SOX6: variants seen among roughly 807,000 people sequenced by gnomAD.
SOX6 encodes the protein SRY-box transcription factor 6.
In SOX6, 11 loss-of-function variants were observed where a neutral mutation model predicts 97.8. The observed-to-expected ratio is 0.11, with a 90% confidence interval of 0.07 to 0.19. SOX6 has a LOEUF of 0.19. Ranked by LOEUF, SOX6 falls within the 10% of genes least tolerant of loss-of-function variation. The pLI, the probability that SOX6 is intolerant of heterozygous loss-of-function variation, is 1.00. For missense variants in SOX6, 810 were observed against 1,039.5 expected (o/e 0.78, Z 3.04); for synonymous variants, 360 against 371.4 (o/e 0.97, Z 0.35).
At chr11:16,149,217 T>TG (rs1293110542) in intron 6 of SOX6, among the ~76,000 whole-genome samples, 2 of 152,164 alleles carry the variant, frequency 1.3e-5, no homozygotes, top group Non-Finnish European at 1.5e-5. Flanking sequence ...TAAGCTTTAT[T>TG]GCAATTTTCA....
intron 4 of SOX6, among the ~76,000 whole-genome samples, chr11:16,212,443 TTA>T (rs1227823022): frequency 6.6e-6 from 1 of 152,170 alleles, no homozygotes; most frequent in Non-Finnish European, 1.5e-5. Flanking sequence ...ATATATAATT[TTA>T]TGTCTTTCAT....
intron 4 of SOX6, among the ~76,000 whole-genome samples, chr11:16,537,250 A>G (rs1861324409): frequency 6.6e-6 from 1 of 152,224 alleles, no homozygotes; most frequent in South Asian, 2.1e-4. Context: ...TAGAAGGAAA[A>G]GTAACAAACA....
chr11:16,521,553 G>C (rs1861063518), intron 4 of SOX6, among the ~76,000 whole-genome samples: 1 of 152,178 alleles, frequency 6.6e-6, no homozygotes, highest in African/African-American at 2.4e-5. Flanking sequence ...AGAAAAACTG[G>C]AAACTCTAAA....
At chr11:16,556,691 A>G (rs1476502387) in intron 4 of SOX6, among the ~76,000 whole-genome samples, 1 of 151,824 alleles carries the variant, frequency 6.6e-6, no homozygotes, top group African/African-American at 2.4e-5. Flanking sequence ...TTTTATAATC[A>G]TAAATTTACT....
chr11:16,485,847 T>A (rs1179537787), intron 4 of SOX6, among the ~76,000 whole-genome samples: 9 of 144,620 alleles, frequency 6.2e-5, no homozygotes, highest in African/African-American at 2.3e-4. Context: ...TGAATTATGA[T>A]CACGCCACTG....
intron 4 of SOX6, among the ~76,000 whole-genome samples, chr11:16,592,272 A>G (rs2133973236): frequency 6.7e-6 from 1 of 149,542 alleles, no homozygotes; most frequent in East Asian, 2.0e-4. Context: ...CAACCTTACC[A>G]GCAATATTCT....
chr11:16,439,308 T>C (rs903623170), intron 1 of SOX6, among the ~76,000 whole-genome samples: 3 of 152,214 alleles, frequency 2.0e-5, no homozygotes, highest in East Asian at 1.9e-4. Context: ...CTATTTCTTT[T>C]ATTTAATTGT....
At chr11:16,178,260 T>C (rs1363179709) in intron 6 of SOX6, among the ~76,000 whole-genome samples, 2 of 152,012 alleles carry the variant, frequency 1.3e-5, no homozygotes, top group Non-Finnish European at 2.9e-5. Context: ...TTTGCTGTTA[T>C]AGCCCTTGCT....
Position 16,651,007 on chromosome 11 carries a change from C to A in SOX6, n.430-38747G>T, listed in dbSNP as rs138275775. On this transcript the variant is annotated intron_variant and non_coding_transcript_variant, in intron 3 of 5. Transcript: ENST00000524520. ...GGCTACTATGAACACCTTATGCATA[C>A]AAACCAGAAAATTTAGAAGAGATGG... Among the ~76,000 whole-genome samples the A allele has an allele frequency of 9.1e-4, 139 of 151,996 alleles. 2 individuals are homozygous for A. The highest frequency in any genetic ancestry group is 3.1e-3 in the African/African-American group (128 of 41,510).
chr11:16,137,146 C>CA (rs1849988749), intron 6 of SOX6, among the ~76,000 whole-genome samples: 1 of 152,114 alleles, frequency 6.6e-6, no homozygotes, highest in African/African-American at 2.4e-5. Context: ...ATCTAAAGAG[C>CA]ATGTGGGGGC....
chr11:16,298,274 C>T (rs984631929), intron 3 of SOX6, among the ~76,000 whole-genome samples: 2 of 152,104 alleles, frequency 1.3e-5, no homozygotes, highest in African/African-American at 4.8e-5. Flanking sequence ...TAGCCAAGTT[C>T]TAGTTATCAT....
Position 16,300,743 on chromosome 11 carries a change from T to G in SOX6, c.445+17703A>C, listed in dbSNP as rs1855233589. Among the ~76,000 whole-genome samples, 1 of 152,208 alleles carries G rather than the reference T, an allele frequency of 6.6e-6. No individual in the cohort carries two copies. Among genetic ancestry groups the G allele is most frequent in the African/African-American group, 2.4e-5 (1 of 41,452 alleles). ...TCACCTTAACAACTAGGAAATTCAC[T>G]TCTACCTAGGCCACCTCAACACTTC... On this transcript the variant is annotated intron_variant, in intron 3 of 15. Transcript: ENST00000683767. This position sits in a 1 kb window ranked among gnomAD's most constrained non-coding sequence, Gnocchi z 4.1.
intron 10 of SOX6, among the ~76,000 whole-genome samples, chr11:16,054,215 G>T (rs765997831): frequency 4.6e-5 from 7 of 152,118 alleles, no homozygotes; most frequent in Non-Finnish European, 1.0e-4. Context: ...CTTATAAAAT[G>T]ACTTATTTAT....
At chr11:16,187,765 T>C (rs1414342507) in intron 4 of SOX6, among the ~76,000 whole-genome samples, 1 of 152,172 alleles carries the variant, frequency 6.6e-6, no homozygotes, top group East Asian at 1.9e-4. Context: ...ACAGTCTTTT[T>C]ATGGGCAAAT....
chr11:16,422,227 C>T (rs1363739626), intron 1 of SOX6, among the ~76,000 whole-genome samples: 1 of 152,198 alleles, frequency 6.6e-6, no homozygotes, highest in African/African-American at 2.4e-5. Context: ...GAAAAAAAGA[C>T]ATCCACTTTT....
In SOX6 at chr11:16,577,654, T is replaced by C. The variant is rs541043491; in HGVS notation, n.609+34427A>G. Reference sequence around the variant, plus strand: ...TGTGTGAAGTAGTTACTCATTGTGATTTTGATTTATATTTCCTTAATGTCT... The same window carrying C: ...TGTGTGAAGTAGTTACTCATTGTGACTTTGATTTATATTTCCTTAATGTCT... On this transcript the variant is annotated intron_variant and non_coding_transcript_variant, in intron 4 of 5. Transcript: ENST00000524520. Among the ~76,000 whole-genome samples, 29 of 152,332 alleles carry C rather than the reference T, an allele frequency of 1.9e-4. 1 individual carries two copies. In the South Asian group the frequency reaches 6.0e-3, roughly 32 times the overall value.
chr11:16,460,835 G>A (rs1185032674), intron 1 of SOX6, among the ~76,000 whole-genome samples: 3 of 151,986 alleles, frequency 2.0e-5, no homozygotes, highest in African/African-American at 7.2e-5. Context: ...ATAATCTCTA[G>A]TATCTTCAAT....
intron 3 of SOX6, chr11:16,252,277 T>G (rs1262846538): frequency 1.3e-5 from 2 of 152,228 alleles, no homozygotes; most frequent in East Asian, 3.8e-4. Context: ...AGTCAACAGC[T>G]CTTCTTAGAT....
At chr11:16,279,177 C>G (rs1379392503) in intron 3 of SOX6, among the ~76,000 whole-genome samples, 1 of 151,954 alleles carries the variant, frequency 6.6e-6, no homozygotes, top group East Asian at 1.9e-4. Context: ...TATTGAAATA[C>G]AACAGTGGAT....
Sources: gnomAD v4.1 joint callset for allele counts (sites outside exome capture counted in the v4.1 genomes callset) on GRCh38, gnomAD v4.1.1 for gene constraint, Gnocchi (gnomAD v3.1) non-coding constraint, MANE v1.5 for transcripts, NCBI Gene and HGNC (gene_info 2026-07-23, HGNC 2026-07-21) for gene names.